Variants in CDKAL1 observed in about 807,000 individuals in gnomAD.
CDKAL1 encodes the protein threonylcarbamoyladenosine tRNA methylthiotransferase.
A neutral mutation model predicts 68.2 loss-of-function variants in CDKAL1; 32 were observed. The ratio of observed to expected loss-of-function variants is 0.47; its 90% CI spans 0.35 to 0.63. The LOEUF is 0.63. CDKAL1 is among the 30% of genes least tolerant of loss of function. The pLI is 0.00. For missense variants in CDKAL1, 606 were observed against 696.7 expected (o/e 0.87, Z 1.47); for synonymous variants, 234 against 244.3 (o/e 0.96, Z 0.39).
intron 9 of CDKAL1, among the ~76,000 whole-genome samples, chr6:20,946,310 T>C (rs552691593): frequency 5.9e-5 from 9 of 152,316 alleles, no homozygotes; most frequent in East Asian, 1.9e-4. Context: ...TTTGCACTTA[T>C]ATTCCCTCTG....
chr6:20,949,945 G>A (rs528122860), intron 9 of CDKAL1, among the ~76,000 whole-genome samples: 2 of 152,030 alleles, frequency 1.3e-5, no homozygotes, highest in South Asian at 4.2e-4. Flanking sequence ...ATGCACCACT[G>A]TGCCTGGCTA....
At position 21,231,997 on chromosome 6, in the gene CDKAL1, T is replaced by TTTTTTG; in HGVS notation, c.*970_*975dup. On this transcript the variant is annotated 3_prime_UTR_variant, in exon 16 of 16. Coordinates refer to ENST00000274695, the MANE Select transcript of CDKAL1 (RefSeq NM_017774.3). ...CACATTTTTGATCCATTGGGGTTTT[T>TTTTTTG]TTTTTGTTTTTGTTTTTTTTTTTTT... 1 of 139,024 alleles carries TTTTTTG rather than the reference T, an allele frequency of 7.2e-6. No homozygotes were observed. Among genetic ancestry groups the TTTTTTG allele is most frequent in the Non-Finnish European group, 1.6e-5 (1 of 63,404 alleles). 8.6% of individuals were successfully genotyped at this position (139,024 alleles called of 1,614,324 possible).
intron 11 of CDKAL1, among the ~76,000 whole-genome samples, chr6:21,015,947 C>CAA (rs776583682): frequency 6.5e-4 from 49 of 75,580 alleles, no homozygotes; most frequent in African/African-American, 1.8e-3. Context: ...GACTCTGACT[C>CAA]AAAAAAAAAA....
intron 5 of CDKAL1, among the ~76,000 whole-genome samples, chr6:20,662,273 G>A (rs1294416282): frequency 2.0e-5 from 3 of 151,978 alleles, no homozygotes; most frequent in Admixed American, 2.0e-4. Context: ...CTTACTTATG[G>A]TTACACTTAG....
chr6:20,913,006 AG>A (rs1042656055), intron 9 of CDKAL1, among the ~76,000 whole-genome samples: 1 of 151,950 alleles, frequency 6.6e-6, no homozygotes, highest in Non-Finnish European at 1.5e-5. Context: ...CAAAAAAAAA[AG>A]AAAACAAAAA....
At chr6:20,895,120 A>G (rs1761612136) in intron 9 of CDKAL1, among the ~76,000 whole-genome samples, 1 of 151,746 alleles carries the variant, frequency 6.6e-6, no homozygotes, top group Non-Finnish European at 1.5e-5. Context: ...ATGGTTTTAT[A>G]CTCTCAAATA....
chr6:21,000,309 T>C lies in CDKAL1; in HGVS notation c.992T>C (p.Met331Thr). 1 of 1,613,936 alleles carries C rather than the reference T, an allele frequency of 6.2e-7. No individual in the cohort carries two copies. ...PVQSASDSVL[M>T]EMKREYCVAD... is the part of the protein sequence containing the mutation. ...CAGTCTGCCTCCGACAGCGTACTCA[T>C]GGAAATGAAAAGAGAATACTGTGTG... Residue 331 changes from methionine (M) to threonine (T), a missense_variant, in exon 11 of 16, where the codon ATG becomes ACG. Met to Thr is a moderately conservative substitution (Grantham distance 81, BLOSUM62 -1). Coordinates refer to ENST00000274695, the MANE Select transcript of CDKAL1 (RefSeq NM_017774.3).
intron 8 of CDKAL1, among the ~76,000 whole-genome samples, chr6:20,844,043 C>T (rs548990708): frequency 6.6e-6 from 1 of 152,114 alleles, no homozygotes; most frequent in South Asian, 2.1e-4. Flanking sequence ...AGAACCTGAG[C>T]TATGGAATTT....
intron 5 of CDKAL1, among the ~76,000 whole-genome samples, chr6:20,680,642 TTAA>T (rs1770332272): frequency 6.6e-6 from 1 of 152,234 alleles, no homozygotes; most frequent in African/African-American, 2.4e-5. Flanking sequence ...CAAGACTTTA[TTAA>T]TACTGAATGT....
At chr6:21,172,151 T>C (rs575377992) in intron 13 of CDKAL1, among the ~76,000 whole-genome samples, 22 of 152,276 alleles carry the variant, frequency 1.4e-4, no homozygotes, top group Non-Finnish European at 2.5e-4. Context: ...AAGTGCTTTA[T>C]ATGGGGGTTA....
intron 11 of CDKAL1, among the ~76,000 whole-genome samples, chr6:21,042,542 A>G (rs534356957): frequency 2.0e-5 from 3 of 151,900 alleles, no homozygotes; most frequent in Non-Finnish European, 4.4e-5. Context: ...TACTGTCTCC[A>G]CTTCCTTCTA....
In CDKAL1 at chr6:20,886,963, A is replaced by AT. The variant is rs1472463876; in HGVS notation, c.742+40791dup. 2.6e-5 allele frequency among the ~76,000 whole-genome samples: 4 copies of AT among 152,342 alleles called. No homozygotes were observed. The East Asian group carries it at 7.7e-4, about 29-fold the overall frequency. ...AAGGGTTGATATCCAGCATATAAATATTTTTTACAGCTCAATAATGAAGAC... is the reference window on the plus strand; with the variant it reads ...AAGGGTTGATATCCAGCATATAAATATTTTTTTACAGCTCAATAATGAAGAC... On this transcript the variant is annotated intron_variant, in intron 9 of 15. Coordinates refer to ENST00000274695, the MANE Select transcript of CDKAL1 (RefSeq NM_017774.3).
chr6:20,787,184 A>G (rs1186940851), intron 8 of CDKAL1, among the ~76,000 whole-genome samples: 1 of 152,170 alleles, frequency 6.6e-6, no homozygotes, highest in Non-Finnish European at 1.5e-5. Context: ...CATCAGACAG[A>G]CATATGGTGG....
rs1470351915 is a variant in CDKAL1 at position 20,980,300 on chromosome 6, C to T, written c.910-19927C>T. On this transcript the variant is annotated intron_variant, in intron 10 of 15. Coordinates refer to ENST00000274695, the MANE Select transcript of CDKAL1 (RefSeq NM_017774.3). ...TCGCCCAGGCTGGAGTGCAGTGGCGCGATCTCGGCTCACTGCAAGCTCCGC... is the reference window on the plus strand; with the variant it reads ...TCGCCCAGGCTGGAGTGCAGTGGCGTGATCTCGGCTCACTGCAAGCTCCGC... Among the ~76,000 whole-genome samples the T allele has an allele frequency of 5.3e-5, 8 of 152,080 alleles. No individual in the cohort carries two copies. The East Asian group carries it at 1.4e-3, about 26-fold the overall frequency.
At chr6:20,773,055 C>G (rs1275051789) in intron 7 of CDKAL1, 1 of 152,154 alleles carries the variant, frequency 6.6e-6, no homozygotes, top group Admixed American at 6.5e-5. Context: ...ACTCTTCATA[C>G]TTGCTGAAAA....
At chr6:20,552,116 G>A (rs1369337267) in intron 4 of CDKAL1, among the ~76,000 whole-genome samples, 1 of 151,994 alleles carries the variant, frequency 6.6e-6, no homozygotes, top group African/African-American at 2.4e-5. Context: ...GGTGAGAGAG[G>A]GTGGGAGGGT....
At chr6:20,789,632 T>A (rs937485151) in intron 8 of CDKAL1, among the ~76,000 whole-genome samples, 1 of 152,202 alleles carries the variant, frequency 6.6e-6, no homozygotes, top group Non-Finnish European at 1.5e-5. Context: ...AAAAAGTACA[T>A]CTTGCTTATC....
At chr6:20,582,269 A>G (rs1765172203) in intron 4 of CDKAL1, among the ~76,000 whole-genome samples, 1 of 152,162 alleles carries the variant, frequency 6.6e-6, no homozygotes, top group South Asian at 2.1e-4. Flanking sequence ...TCAGGTGGCA[A>G]ACACAGATGG....
chr6:21,183,350 C>T (rs750394914), intron 13 of CDKAL1, among the ~76,000 whole-genome samples: 32 of 152,272 alleles, frequency 2.1e-4, no homozygotes, highest in Non-Finnish European at 4.0e-4. Flanking sequence ...GCTGGCAGTA[C>T]GCCCACCAGG....
Sources: gnomAD v4.1 joint callset for allele counts (sites outside exome capture counted in the v4.1 genomes callset) on GRCh38, gnomAD v4.1.1 for gene constraint, MANE v1.5 for transcripts, NCBI Gene and HGNC (gene_info 2026-07-23, HGNC 2026-07-21) for gene names.